The following ATP1B3 variants were observed in gnomAD, a reference collection of about 807,000 sequenced individuals.
ATP1B3 encodes ATPase Na+/K+ transporting subunit beta 3.
ATP1B3 carries 10 observed loss-of-function variants against 30.2 expected under a neutral mutation model. The ratio of observed to expected loss-of-function variants is 0.33; its 90% CI spans 0.20 to 0.56. The LOEUF (loss-of-function observed/expected upper bound fraction) is 0.56, where lower values mean the gene tolerates loss of function less well. Among genes scored for constraint, ATP1B3 ranks in the 20% least tolerant of loss-of-function variants. The pLI is 0.90. For missense variants in ATP1B3, 238 were observed against 336.7 expected (o/e 0.71, Z 2.29); for synonymous variants, 113 against 117.0 (o/e 0.97, Z 0.22).
intron 1 of ATP1B3, among the ~76,000 whole-genome samples, chr3:141,882,156 A>C (rs1443930309): frequency 6.6e-6 from 1 of 152,196 alleles, no homozygotes; most frequent in Non-Finnish European, 1.5e-5. Context: ...CTTTTCCATG[A>C]TTTTATCATC....
intron 3 of ATP1B3, among the ~76,000 whole-genome samples, chr3:141,911,869 A>G (rs1040627029): frequency 2.6e-5 from 4 of 152,112 alleles, no homozygotes; most frequent in Non-Finnish European, 4.4e-5. Flanking sequence ...TGACCTTTCT[A>G]TGTTCCCATC....
At chr3:141,886,883 G>T (rs190969607) in intron 1 of ATP1B3, among the ~76,000 whole-genome samples, 1 of 152,188 alleles carries the variant, frequency 6.6e-6, no homozygotes, top group Admixed American at 6.5e-5. Flanking sequence ...CACATCTTTG[G>T]TTCCAGCTAC....
rs1933597877 is a variant in ATP1B3, at chr3:141,876,742, G to C, written c.-60G>C. ...GCCGCCGGAGCCGGGACGCGCCTCC[G>C]CAGCCCTCGCCGCCTCCATCCCCGC... On this transcript the variant is annotated 5_prime_UTR_variant, in exon 1 of 7. Coordinates refer to ENST00000286371, the MANE Select transcript of ATP1B3 (RefSeq NM_001679.4). The C allele has an allele frequency of 7.2e-7, 1 of 1,384,606 alleles. No homozygotes were observed. The highest frequency in any genetic ancestry group is 1.9e-5 in the Admixed American group (1 of 52,426). The allele number at this position is 1,384,606 out of a possible 1,614,324, so 85.8% of individuals were successfully genotyped here. A position where few individuals can be genotyped will look rare whatever the true frequency, so the allele number is the denominator to read the frequency against.
intron 2 of ATP1B3, among the ~76,000 whole-genome samples, chr3:141,904,703 C>CTT (rs35178202): frequency 0.016 from 1,451 of 89,230 alleles, 20 homozygotes; most frequent in African/African-American, 0.023. Context: ...TTTAAACAGT[C>CTT]TTTTTTTTTT....
rs182077520 is a variant in ATP1B3 at position 141,881,669 on chromosome 3, G to A, written c.109+4759G>A. ...TTGCAATTTTTAAAATTTTTGCAAT[G>A]AGACCTTGGCAAGGACATTGAGCAG... On this transcript the variant is annotated intron_variant, in intron 1 of 6. Coordinates refer to ENST00000286371, the MANE Select transcript of ATP1B3 (RefSeq NM_001679.4). Among the ~76,000 whole-genome samples, 61 of 152,332 alleles carry A rather than the reference G, an allele frequency of 4.0e-4. No homozygotes were observed. The Middle Eastern group carries it at 0.017, about 42-fold the overall frequency.
intron 1 of ATP1B3, among the ~76,000 whole-genome samples, chr3:141,900,537 C>T (rs1470883115): frequency 2.6e-5 from 4 of 152,160 alleles, no homozygotes; most frequent in Admixed American, 6.6e-5. Context: ...AGTGAACAAA[C>T]TTGAGGGTGC....
rs534586665 is a variant in ATP1B3, at chr3:141,915,575, AT to A, written c.532-394del. ...GGAAACACGGAGAGTGTGACCTGAT[AT>A]AGTTTTGTGAAGAACAGTTAATTAT... is the stretch of plus-strand genomic sequence containing the variant. On this transcript the variant is annotated intron_variant, in intron 4 of 6. Transcript: ENST00000286371. 4.8e-4 allele frequency among the ~76,000 whole-genome samples: 73 copies of A among 152,286 alleles called. 1 individual carries two copies. Among genetic ancestry groups the A allele is most frequent in the African/African-American group, 1.7e-3 (70 of 41,564 alleles).
At position 141,926,079 on chromosome 3, in the gene ATP1B3, T is replaced by G. The variant is rs1934655160; in HGVS notation, c.*378T>G. The G allele has an allele frequency of 6.1e-6, 1 of 164,148 alleles. No homozygotes were observed. Among genetic ancestry groups the G allele is most frequent in the South Asian group, 2.0e-4 (1 of 4,990 alleles). The allele number at this position is 164,148 out of a possible 1,614,324, so 10.2% of individuals were successfully genotyped here. On this transcript the variant is annotated 3_prime_UTR_variant, in exon 7 of 7. Coordinates refer to ENST00000286371, the MANE Select transcript of ATP1B3 (RefSeq NM_001679.4). ...GTCATATTTTGATGTCAACAGAGTT[T>G]TAGGGATAAAATGGTACCCGGCCAA...
intron 1 of ATP1B3, among the ~76,000 whole-genome samples, chr3:141,893,999 A>C (rs1472292606): frequency 6.6e-6 from 1 of 152,236 alleles, no homozygotes; most frequent in Non-Finnish European, 1.5e-5. Context: ...TCCTAGCTGC[A>C]AACTTGTACA....
chr3:141,906,965 T>G (rs1197002834), intron 2 of ATP1B3, among the ~76,000 whole-genome samples: 1 of 152,232 alleles, frequency 6.6e-6, no homozygotes, highest in Non-Finnish European at 1.5e-5. Flanking sequence ...ATCGGTAATG[T>G]CTGAGATGGT....
chr3:141,904,302 TTTC>T (rs1193744623), intron 2 of ATP1B3, among the ~76,000 whole-genome samples: 1 of 148,166 alleles, frequency 6.7e-6, no homozygotes, highest in Admixed American at 6.8e-5. Flanking sequence ...TTTGTTTCGG[TTTC>T]TTTTTTTTTT....
intron 1 of ATP1B3, among the ~76,000 whole-genome samples, chr3:141,886,656 T>C (rs1319124940): frequency 6.6e-6 from 1 of 152,172 alleles, no homozygotes; most frequent in East Asian, 1.9e-4. Context: ...CACATCTCTG[T>C]TAAAGCTTAG....
intron 2 of ATP1B3, among the ~76,000 whole-genome samples, chr3:141,904,703 CTTTTTTTTT>C (rs35178202): frequency 3.4e-5 from 3 of 89,376 alleles, no homozygotes; most frequent in African/African-American, 1.4e-4. Context: ...TTTAAACAGT[CTTTTTTTTT>C]TTTTTTTTTT....
chr3:141,924,783 C>T (rs549859932), intron 6 of ATP1B3, among the ~76,000 whole-genome samples: 4 of 151,898 alleles, frequency 2.6e-5, no homozygotes, highest in Non-Finnish European at 5.9e-5. Context: ...GGTGAAACCC[C>T]GTCTATTAAA....
intron 4 of ATP1B3, among the ~76,000 whole-genome samples, chr3:141,914,444 A>G (rs1934420407): frequency 6.6e-6 from 1 of 152,184 alleles, no homozygotes; most frequent in South Asian, 2.1e-4. Flanking sequence ...GGAAGAAGCT[A>G]ATGTTCTCTG....
chr3:141,903,433 G>A (rs1439930651), intron 1 of ATP1B3, among the ~76,000 whole-genome samples, 187 bp from the exon 2 acceptor site: 1 of 152,124 alleles, frequency 6.6e-6, no homozygotes, highest in South Asian at 2.1e-4. Context: ...GGTGGGTGCT[G>A]TCTGCTGAAA....
rs1162206430 is a variant in ATP1B3, at chr3:141,876,718, C to T, written c.-84C>T. On this transcript the variant is annotated 5_prime_UTR_variant, in exon 1 of 7. Coordinates refer to ENST00000286371, the MANE Select transcript of ATP1B3 (RefSeq NM_001679.4). ...CCTTCACTGCCGTCTCCGGGCTGCGCCGCCGGAGCCGGGACGCGCCTCCGC... is the reference window on the plus strand; with the variant it reads ...CCTTCACTGCCGTCTCCGGGCTGCGTCGCCGGAGCCGGGACGCGCCTCCGC... 6 of 1,062,858 alleles carry T rather than the reference C, an allele frequency of 5.6e-6. No homozygotes were observed. Among genetic ancestry groups the T allele is most frequent in the South Asian group, 1.4e-5 (1 of 72,230 alleles). 65.8% of individuals were successfully genotyped at this position (1,062,858 alleles called of 1,614,324 possible). A position where few individuals can be genotyped will look rare whatever the true frequency, so the allele number is the denominator to read the frequency against.
intron 1 of ATP1B3, among the ~76,000 whole-genome samples, chr3:141,886,932 G>A (rs1933846337): frequency 6.6e-6 from 1 of 152,180 alleles, no homozygotes; most frequent in African/African-American, 2.4e-5. Context: ...GAGCCTGGGA[G>A]GTCAAGGCTG....
intron 5 of ATP1B3, among the ~76,000 whole-genome samples, chr3:141,919,226 A>G (rs978754156): frequency 2.0e-5 from 3 of 150,450 alleles, no homozygotes; most frequent in African/African-American, 7.3e-5. Context: ...TTGTTTTTAT[A>G]CAAGTTAGAG....
Sources: gnomAD v4.1 joint callset for allele counts (sites outside exome capture counted in the v4.1 genomes callset) on GRCh38, gnomAD v4.1.1 for gene constraint, MANE v1.5 for transcripts, NCBI Gene and HGNC (gene_info 2026-07-23, HGNC 2026-07-21) for gene names.